The following POC1B variants were observed in gnomAD, a reference collection of about 807,000 sequenced individuals.
POC1B encodes the protein POC1 centriolar protein B.
In POC1B, 44 loss-of-function variants were observed where a neutral mutation model predicts 60.6. The ratio of observed to expected loss-of-function variants is 0.73; its 90% CI spans 0.57 to 0.93. The LOEUF is 0.93. Ranked by LOEUF, POC1B falls within the 40% of genes least tolerant of loss-of-function variation. The pLI, the probability that POC1B is intolerant of heterozygous loss-of-function variation, is 0.00. For synonymous variants in POC1B, 180 were observed against 198.9 expected (o/e 0.90, Z 0.80); for missense variants, 555 against 572.3 (o/e 0.97, Z 0.31).
intron 7 of POC1B, among the ~76,000 whole-genome samples, chr12:89,469,102 TAAAC>T (rs112306579): frequency 3.9e-5 from 6 of 151,934 alleles, no homozygotes; most frequent in African/African-American, 7.3e-5. Flanking sequence ...TTGTCTCTTC[TAAAC>T]AAACAAACAA....
In POC1B at chr12:89,420,478, G is replaced by C. The variant is rs911678185; in HGVS notation, c.*675C>G. 5 of 152,130 alleles carry C rather than the reference G, an allele frequency of 3.3e-5. No homozygotes were observed. The highest frequency in any genetic ancestry group is 1.2e-4 in the African/African-American group (5 of 41,436). The allele number at this position is 152,130 out of a possible 1,614,324, so 9.4% of individuals were successfully genotyped here. On this transcript the variant is annotated 3_prime_UTR_variant, in exon 12 of 12. Coordinates refer to ENST00000313546, the MANE Select transcript of POC1B (RefSeq NM_172240.3). ...CACATTCATCTGTGATAGAAAGATA[G>C]GTGAGTTTCATTTCCTTCAGGTTGG... is the stretch of plus-strand genomic sequence containing the variant.
chr12:89,481,019 A>G (rs1184696571), intron 4 of POC1B, among the ~76,000 whole-genome samples: 1 of 151,508 alleles, frequency 6.6e-6, no homozygotes, highest in Non-Finnish European at 1.5e-5. Flanking sequence ...TACAGGTGTG[A>G]GCCACCTGGC....
intron 2 of POC1B, among the ~76,000 whole-genome samples, chr12:89,507,001 G>A (rs1055634143): frequency 5.9e-5 from 9 of 152,012 alleles, no homozygotes; most frequent in African/African-American, 2.2e-4. Flanking sequence ...AAAATAGGAG[G>A]GAGTTAATAC....
chr12:89,430,821 A>G (rs1041126900), intron 10 of POC1B, among the ~76,000 whole-genome samples: 2 of 152,178 alleles, frequency 1.3e-5, no homozygotes, highest in African/African-American at 2.4e-5. Flanking sequence ...AAAGCTCCAC[A>G]TTGGTTGAAC....
At chr12:89,495,408 C>T (rs1297067657) in intron 3 of POC1B, among the ~76,000 whole-genome samples, 1 of 152,182 alleles carries the variant, frequency 6.6e-6, no homozygotes, top group Admixed American at 6.5e-5. Context: ...CACTTCTCTT[C>T]AATAGTTTTC....
At chr12:89,422,691 T>A (rs1192836362) in intron 11 of POC1B, among the ~76,000 whole-genome samples, 1 of 152,234 alleles carries the variant, frequency 6.6e-6, no homozygotes, top group Non-Finnish European at 1.5e-5. Context: ...ATTCTAATTC[T>A]ATTATTAAAA....
chr12:89,409,711 T>C, the POC1B span, among the ~76,000 whole-genome samples: 1 of 152,056 alleles, frequency 6.6e-6, no homozygotes, highest in Admixed American at 6.6e-5. Context: ...CTAGAAGAAA[T>C]GGATAAATTC....
At chr12:89,436,736 A>C (rs566232188) in intron 10 of POC1B, among the ~76,000 whole-genome samples, 1 of 152,264 alleles carries the variant, frequency 6.6e-6, no homozygotes, top group East Asian at 1.9e-4. Context: ...ACCAAAAAAA[A>C]ACCCAAAAAA....
intron 2 of POC1B, chr12:89,522,869 G>C: frequency 6.2e-7 from 1 of 1,608,884 alleles, no homozygotes; most frequent in Non-Finnish European, 8.5e-7. Context: ...GTTCTCATTT[G>C]TACATCAGGT....
chr12:89,459,481 T>C (rs973791052), intron 10 of POC1B, among the ~76,000 whole-genome samples, 157 bp downstream of exon 10: 2 of 151,402 alleles, frequency 1.3e-5, no homozygotes, highest in Non-Finnish European at 2.9e-5. Context: ...TTTAGATGCA[T>C]TGTAAATATG....
chr12:89,525,427 C>T, intron 1 of POC1B: 1 of 1,382,600 alleles, frequency 7.2e-7, no homozygotes, highest in Non-Finnish European at 9.3e-7. Flanking sequence ...CCGCAAAACG[C>T]TCTGTTCGCG....
chr12:89,466,605 A>G (rs1238309804), intron 9 of POC1B, 165 bp downstream of exon 9: 3 of 561,440 alleles, frequency 5.3e-6, no homozygotes, highest in South Asian at 4.3e-5. Flanking sequence ...AGAAACAAAT[A>G]TAAAACTTTA....
At chr12:89,482,962 T>C (rs1422704877) in intron 4 of POC1B, among the ~76,000 whole-genome samples, 1 of 151,864 alleles carries the variant, frequency 6.6e-6, no homozygotes, top group Non-Finnish European at 1.5e-5. Context: ...TTCGCTCTTG[T>C]TGCCCAGGCT....
chr12:89,525,760 G>A, intron 1 of POC1B, 121 bp downstream of exon 1: 1 of 1,351,058 alleles, frequency 7.4e-7, no homozygotes. Context: ...AGGGGCTCAG[G>A]ACCCGGCTAC....
At chr12:89,487,107 C>T (rs1222946738) in intron 4 of POC1B, among the ~76,000 whole-genome samples, 2 of 152,140 alleles carry the variant, frequency 1.3e-5, no homozygotes, top group Non-Finnish European at 2.9e-5. Flanking sequence ...CAGTCACAGG[C>T]TTAAATAAGC....
At chr12:89,494,476 T>C (rs1869142916) in intron 3 of POC1B, among the ~76,000 whole-genome samples, 1 of 152,164 alleles carries the variant, frequency 6.6e-6, no homozygotes, top group South Asian at 2.1e-4. Context: ...AGTCTGTTTA[T>C]TTCCCCTCCC....
At chr12:89,434,780 A>G (rs1415030593) in intron 10 of POC1B, among the ~76,000 whole-genome samples, 1 of 152,224 alleles carries the variant, frequency 6.6e-6, no homozygotes, top group Admixed American at 6.5e-5. Flanking sequence ...AACAAATTCA[A>G]CAAGAATCTT....
Position 89,525,740 on chromosome 12 carries a change from C to A in POC1B, c.15+141G>T, listed in dbSNP as rs1369162088. The A allele has an allele frequency of 2.3e-6, 3 of 1,301,728 alleles. No individual in the cohort carries two copies. The African/African-American group carries it at 4.6e-5, about 20-fold the overall frequency. The allele number at this position is 1,301,728 out of a possible 1,614,324, so 80.6% of individuals were successfully genotyped here. A position where few individuals can be genotyped will look rare whatever the true frequency, so the allele number is the denominator to read the frequency against. On this transcript the variant is annotated intron_variant, in intron 1 of 11. Coordinates refer to ENST00000313546, the MANE Select transcript of POC1B (RefSeq NM_172240.3). ...GATGGCAGAGAGTGAGATACGGACG[C>A]CCCGGGACGAGGGGCTCAGGACCCG... is the stretch of plus-strand genomic sequence containing the variant.
chr12:89,513,606 G>A (rs1025809606), intron 2 of POC1B, among the ~76,000 whole-genome samples: 5 of 152,190 alleles, frequency 3.3e-5, no homozygotes, highest in Non-Finnish European at 5.9e-5. Context: ...GGGATGACTG[G>A]CCTAATGGAA....
Sources: allele counts gnomAD v4.1 joint callset (sites outside exome capture counted in the v4.1 genomes callset), GRCh38; gene constraint gnomAD v4.1.1; transcripts MANE v1.5; gene names NCBI Gene and HGNC (gene_info 2026-07-23, HGNC 2026-07-21).